SYNJ1: variants seen among roughly 807,000 people sequenced by gnomAD.
SYNJ1 encodes the protein synaptojanin 1.
A neutral mutation model predicts 168.2 loss-of-function variants in SYNJ1; 78 were observed. The observed-to-expected ratio is 0.46, with a 90% CI of 0.39 to 0.56. The LOEUF (loss-of-function observed/expected upper bound fraction) is 0.56, where lower values mean the gene tolerates loss of function less well. Ranked by LOEUF, SYNJ1 falls within the 20% of genes least tolerant of loss-of-function variation. The probability of loss-of-function intolerance (pLI) is 0.00; values close to 1 mark genes in which losing one functional copy is unlikely to be tolerated. For synonymous variants in SYNJ1, 539 were observed against 548.6 expected (o/e 0.98, Z 0.24); for missense variants, 1,303 against 1,597.6 (o/e 0.82, Z 3.14).
intron 27 of SYNJ1, 123 bp downstream of exon 27, chr21:32,643,287 A>T: frequency 1.1e-6 from 1 of 951,732 alleles, no homozygotes; most frequent in Non-Finnish European, 1.6e-6. Context: ...GGGAAAGAGA[A>T]GTTTACAGCT....
intron 26 of SYNJ1, among the ~76,000 whole-genome samples, chr21:32,644,209 G>C (rs1332442576): frequency 6.6e-6 from 1 of 152,162 alleles, no homozygotes; most frequent in Non-Finnish European, 1.5e-5. Flanking sequence ...GTTTTCTGTA[G>C]GTCAATGGAG....
At chr21:32,692,589 A>G (rs1056088194) in intron 6 of SYNJ1, among the ~76,000 whole-genome samples, 6 of 152,034 alleles carry the variant, frequency 3.9e-5, no homozygotes, top group Non-Finnish European at 7.4e-5. Context: ...AAAAAAATCC[A>G]TAATTTTCCA....
At position 32,686,923 on chromosome 21, in the gene SYNJ1, A is replaced by C. The variant is rs2041855969; in HGVS notation, c.948+55T>G. ...TGATTACTGTATTATTTTATTTTTT[A>C]ATACCATTCTAGGTGTCCATGGGCC... On this transcript the variant is annotated intron_variant, in intron 8 of 32. Transcript: ENST00000674351. 10 of 1,153,810 alleles carry C rather than the reference A, an allele frequency of 8.7e-6. No individual in the cohort carries two copies. In the South Asian group the frequency reaches 1.4e-4, roughly 16 times the overall value. The allele number at this position is 1,153,810 out of a possible 1,614,324, so 71.5% of individuals were successfully genotyped here.
intron 6 of SYNJ1, among the ~76,000 whole-genome samples, chr21:32,689,059 T>C (rs1320611191): frequency 6.6e-6 from 1 of 152,204 alleles, no homozygotes; most frequent in Non-Finnish European, 1.5e-5. Flanking sequence ...TATCTACCTA[T>C]TGTATATTGT....
At chr21:32,637,666 A>G (rs1375209759) in intron 31 of SYNJ1, among the ~76,000 whole-genome samples, 2 of 152,134 alleles carry the variant, frequency 1.3e-5, no homozygotes, top group Non-Finnish European at 2.9e-5. Flanking sequence ...TCGACCCGCC[A>G]TGGCCTCCCA....
chr21:32,661,683 G>A (rs1372782127), intron 18 of SYNJ1, among the ~76,000 whole-genome samples: 2 of 152,140 alleles, frequency 1.3e-5, no homozygotes, highest in African/African-American at 2.4e-5. Context: ...ATAGTTTAGG[G>A]AAAGTATGTC....
At chr21:32,663,960 T>G (rs1163707591) in intron 18 of SYNJ1, among the ~76,000 whole-genome samples, 1 of 152,218 alleles carries the variant, frequency 6.6e-6, no homozygotes, top group Non-Finnish European at 1.5e-5. Flanking sequence ...GGGCAAGTAG[T>G]TGAAGACATA....
Position 32,673,547 on chromosome 21 carries a change from C to T in SYNJ1, c.1535-16G>A. The T allele has an allele frequency of 1.3e-6, 2 of 1,571,950 alleles. No homozygotes were observed. The highest frequency in any genetic ancestry group is 1.7e-6 in the Non-Finnish European group (2 of 1,158,778). On this transcript the variant is annotated splice_polypyrimidine_tract_variant and intron_variant, in intron 13 of 32. Coordinates refer to ENST00000674351, the MANE Select transcript of SYNJ1 (RefSeq NM_203446.3). The stretch of plus-strand genomic sequence containing the variant: ...TTAGAAGATGCTAATCAAGAGAAGA[C>T]ACAATAGAATTTTAGCTGCATCAAA...
At chr21:32,690,136 C>T (rs79441699) in intron 6 of SYNJ1, among the ~76,000 whole-genome samples, 1,610 of 152,316 alleles carry the variant, frequency 0.011, 20 homozygotes, top group Non-Finnish European at 0.014. Flanking sequence ...CCACTCTGTT[C>T]CCCAACACAT....
intron 15 of SYNJ1, among the ~76,000 whole-genome samples, chr21:32,667,772 G>A (rs2041000538): frequency 6.6e-6 from 1 of 152,022 alleles, no homozygotes; most frequent in African/African-American, 2.4e-5. Context: ...ACACTTCCCT[G>A]TGTCCCTATA....
intron 2 of SYNJ1, among the ~76,000 whole-genome samples, chr21:32,712,498 T>C (rs2042863783): frequency 6.6e-6 from 1 of 152,040 alleles, no homozygotes; most frequent in African/African-American, 2.4e-5. Context: ...TTAAACTATC[T>C]AAATTAATGT....
intron 32 of SYNJ1, among the ~76,000 whole-genome samples, chr21:32,632,748 G>A (rs916930499): frequency 1.3e-5 from 2 of 152,094 alleles, no homozygotes; most frequent in African/African-American, 2.4e-5. Context: ...GGCTGGGCGC[G>A]GTGGCTCAAG....
chr21:32,675,486 G>A (rs2041370875), intron 13 of SYNJ1, among the ~76,000 whole-genome samples: 1 of 152,116 alleles, frequency 6.6e-6, no homozygotes, highest in South Asian at 2.1e-4. Flanking sequence ...AGAAAATGGT[G>A]TTCATTATAT....
intron 11 of SYNJ1, among the ~76,000 whole-genome samples, chr21:32,680,858 C>T (rs1426997028): frequency 1.3e-5 from 2 of 152,178 alleles, no homozygotes; most frequent in African/African-American, 4.8e-5. Context: ...CTCAAGTGAT[C>T]CACCTGCCTC....
rs2040341343 is a variant in SYNJ1, at chr21:32,653,268, A to G, written c.2874+20T>C. 1 of 1,595,132 alleles carries G rather than the reference A, an allele frequency of 6.3e-7. No individual in the cohort carries two copies. On this transcript the variant is annotated intron_variant, in intron 22 of 32. Coordinates refer to ENST00000674351, the MANE Select transcript of SYNJ1 (RefSeq NM_203446.3). ...ACATTTAATTTCAGAATGGTTTAGA[A>G]TCAACAAATGCTACCTTACCTCTTT... is the stretch of plus-strand genomic sequence containing the variant.
At chr21:32,647,046 C>A (rs2040102807) in intron 23 of SYNJ1, among the ~76,000 whole-genome samples, 1 of 152,202 alleles carries the variant, frequency 6.6e-6, no homozygotes, top group African/African-American at 2.4e-5. Flanking sequence ...CTCCTCCCTG[C>A]AACCCTCACC....
chr21:32,671,889 C>G (rs766134022), intron 14 of SYNJ1, among the ~76,000 whole-genome samples: 4 of 151,468 alleles, frequency 2.6e-5, no homozygotes, highest in Non-Finnish European at 4.4e-5. Flanking sequence ...GAAACCCCAT[C>G]TCTACTAAAA....
At chr21:32,670,128 A>C (rs1467221763) in intron 15 of SYNJ1, among the ~76,000 whole-genome samples, 160 bp downstream of exon 15, 2 of 152,198 alleles carry the variant, frequency 1.3e-5, no homozygotes, top group African/African-American at 4.8e-5. Flanking sequence ...GTGCAGAGAG[A>C]TCCTCAGACC....
intron 12 of SYNJ1, 134 bp from the exon 13 acceptor site, chr21:32,676,489 G>A: frequency 2.8e-6 from 2 of 709,752 alleles, no homozygotes; most frequent in South Asian, 4.2e-5. Flanking sequence ...TTTTCTGATA[G>A]CTATAGAACA....
Sources: gnomAD v4.1 joint callset for allele counts (sites outside exome capture counted in the v4.1 genomes callset) on GRCh38, gnomAD v4.1.1 for gene constraint, MANE v1.5 for transcripts, NCBI Gene and HGNC (gene_info 2026-07-23, HGNC 2026-07-21) for gene names.